Variants in KIFC3 observed in about 807,000 individuals in gnomAD.
The protein encoded by KIFC3 is kinesin family member C3, also known as kinesin-like protein KIFC3.
Under a neutral mutation model 101.8 loss-of-function variants are expected in KIFC3, and 60 were observed. The observed-to-expected ratio is 0.59, with a 90% CI of 0.48 to 0.73. KIFC3 has a LOEUF of 0.73. Ranked by LOEUF, KIFC3 falls within the 30% of genes least tolerant of loss-of-function variation. KIFC3 has a pLI of 0.00. For missense variants in KIFC3, 966 were observed against 1,137.1 expected, an observed-to-expected ratio of 0.85 and a Z score of 2.16; for synonymous variants, 476 against 482.7, an observed-to-expected ratio of 0.99 and a Z score of 0.18.
chr16:57,858,928 C>T (rs1004090978), intron 1 of KIFC3, among the ~76,000 whole-genome samples: 71 of 151,752 alleles, frequency 4.7e-4, no homozygotes, highest in African/African-American at 1.5e-3. Context: ...CCAACCTGGG[C>T]AACAGAGCAA....
In KIFC3 at chr16:57,769,750, G is replaced by A. The variant is rs782419877; in HGVS notation, c.1088-25C>T. The A allele has an allele frequency of 2.4e-5, 39 of 1,612,650 alleles. No individual in the cohort carries two copies. In the East Asian group the frequency reaches 8.7e-4, roughly 36 times the overall value. On this transcript the variant is annotated intron_variant, in intron 8 of 19. Coordinates refer to ENST00000445690, the MANE Select transcript of KIFC3 (RefSeq NM_001130100.2). The surrounding 1 kb of genome is among the most constrained non-coding windows in gnomAD (Gnocchi z 4.3). ...CCTATGGGGACACTCGGGCTGTGAG[G>A]CGGGAGGGGATGAGGGGCCGCGGCG...
chr16:57,766,883 G>A lies in KIFC3; in HGVS notation c.1321C>T (p.Arg441Trp), dbSNP rs782253924. ...LRKKCHNELV[R>W]LKGNIRVIAR... ...GCCCTCCTGCAGTCACCTTTCAGCC[G>A]CACGAGCTCATTGTGGCACTTCTTA... is the stretch of plus-strand genomic sequence containing the variant. Residue 441 changes from arginine (R) to tryptophan (W), a missense_variant, in exon 10 of 20, where the codon CGG becomes TGG. This residue lies in a region of KIFC3 where 689 missense variants were observed against 884.6 expected (regional missense o/e 0.78). Coordinates refer to ENST00000445690, the MANE Select transcript of KIFC3 (RefSeq NM_001130100.2). 5.6e-6 allele frequency: 9 copies of A among 1,608,232 alleles called. No individual in the cohort carries two copies. The highest frequency in any genetic ancestry group is 1.7e-5 in the Admixed American group (1 of 59,960).
At chr16:57,762,828 C>G (rs1432838189) in intron 12 of KIFC3, among the ~76,000 whole-genome samples, 3 of 152,192 alleles carry the variant, frequency 2.0e-5, no homozygotes, top group Non-Finnish European at 4.4e-5. Context: ...CTCACTCACT[C>G]TCTATTCCGG....
chr16:57,762,361 C>T, intron 12 of KIFC3, 91 bp from the exon 13 acceptor site: 1 of 1,324,816 alleles, frequency 7.5e-7, no homozygotes, highest in Non-Finnish European at 1.0e-6. Flanking sequence ...GACTACCCCT[C>T]ACAAGCAAGC....
At chr16:57,858,037 C>T (rs28417331) in intron 1 of KIFC3, among the ~76,000 whole-genome samples, 2,248 of 151,976 alleles carry the variant, frequency 0.015, 50 homozygotes, top group African/African-American at 0.052. Flanking sequence ...AGGCTGGTCT[C>T]GATCTCCTGA....
At chr16:57,762,901 C>G (rs1331220293) in intron 12 of KIFC3, among the ~76,000 whole-genome samples, 1 of 152,204 alleles carries the variant, frequency 6.6e-6, no homozygotes, top group African/African-American at 2.4e-5. Flanking sequence ...TTGGCCTCAG[C>G]CCTGCAGCTC....
At chr16:57,779,984 G>A (rs1311193075) in intron 3 of KIFC3, 1 of 152,146 alleles carries the variant, frequency 6.6e-6, no homozygotes, top group Non-Finnish European at 1.5e-5. Flanking sequence ...GTGAGCACAT[G>A]AAGGGCAAAC....
At chr16:57,848,745 C>T (rs762735576) in intron 1 of KIFC3, among the ~76,000 whole-genome samples, 2 of 152,162 alleles carry the variant, frequency 1.3e-5, no homozygotes, top group Non-Finnish European at 2.9e-5. Flanking sequence ...GGGTTTTTAA[C>T]AAAAAGATTT....
Position 57,761,090 on chromosome 16 carries a change from T to G in KIFC3, c.1954A>C (p.Ile652Leu). 1 of 1,613,762 alleles carries G rather than the reference T, an allele frequency of 6.2e-7. No homozygotes were observed. Among genetic ancestry groups the G allele is most frequent in the Non-Finnish European group, 8.5e-7 (1 of 1,179,880 alleles). Residue 652 changes from isoleucine to leucine, a missense_variant, in exon 15 of 20, where the codon ATC (isoleucine) becomes CTC (leucine). Ile to Leu is a conservative substitution (Grantham distance 5). This residue lies in a region of KIFC3 where 689 missense variants were observed against 884.6 expected (regional missense o/e 0.78). Transcript: ENST00000445690. ...CAGTCCACGCCTCGCACCGTCACGA[T>G]GAGCAGCGCGTGCGAGCGGGAGCTG... Reference protein sequence around the residue: ...EHSSRSHALLIVTVRGVDCST... With the variant: ...EHSSRSHALLLVTVRGVDCST...
chr16:57,808,055 A>G (rs573129288), upstream of KIFC3: 1 of 152,102 alleles, frequency 6.6e-6, no homozygotes, highest in South Asian at 2.1e-4. Context: ...ACTGAACTCG[A>G]CAGTTCTCCC....
In KIFC3 at chr16:57,765,651, TG is replaced by T. The variant is rs781836316; in HGVS notation, c.1331-12del. On this transcript the variant is annotated splice_polypyrimidine_tract_variant and intron_variant, in intron 10 of 19. Transcript: ENST00000445690. ...TCACTCGGATGTTCCCTGGATTGGT[TG>T]GGGATGGGGAAATGGGTCCAGGCCA... 3.1e-5 allele frequency: 49 copies of T among 1,603,782 alleles called. 1 individual carries two copies. Among genetic ancestry groups the T allele is most frequent in the African/African-American group, 1.1e-4 (8 of 74,790 alleles).
intron 1 of KIFC3, among the ~76,000 whole-genome samples, chr16:57,834,085 A>G (rs1175709185): frequency 6.6e-6 from 1 of 151,334 alleles, no homozygotes; most frequent in Non-Finnish European, 1.5e-5. Flanking sequence ...GATGGTCTCT[A>G]CCTCCTGACC....
chr16:57,833,651 C>T (rs2055629338), intron 1 of KIFC3, among the ~76,000 whole-genome samples: 1 of 152,112 alleles, frequency 6.6e-6, no homozygotes, highest in Admixed American at 6.5e-5. Flanking sequence ...CATGGAAATG[C>T]AGGGCCCCTA....
chr16:57,850,860 A>G (rs2056037505), intron 1 of KIFC3, among the ~76,000 whole-genome samples: 1 of 151,940 alleles, frequency 6.6e-6, no homozygotes, highest in African/African-American at 2.4e-5. Flanking sequence ...TTCCTGTGTT[A>G]TTTCATTGAT....
chr16:57,769,652 C>T lies in KIFC3; in HGVS notation c.1161G>A (p.Arg387=), dbSNP rs782655687. 3 of 1,611,828 alleles carry T rather than the reference C, an allele frequency of 1.9e-6. No individual in the cohort carries two copies. The Admixed American group carries it at 5.0e-5, about 27-fold the overall frequency. The change falls in exon 9 of 20, where the codon CGG becomes CGA. Residue 387 remains arginine, a synonymous_variant. Coordinates refer to ENST00000445690, the MANE Select transcript of KIFC3 (RefSeq NM_001130100.2). This position sits in a 1 kb window ranked among gnomAD's most constrained non-coding sequence, Gnocchi z 4.3. ...TLTNDYNGLK[R]QVRGFPLLLQ... ...GCAGCAGTGGGAAGCCGCGCACCTG[C>T]CGCTTGAGCCCATTGTAGTCGTTGG... is the stretch of plus-strand genomic sequence containing the variant.
At chr16:57,843,289 A>T (rs138307157) in intron 1 of KIFC3, among the ~76,000 whole-genome samples, 1 of 152,340 alleles carries the variant, frequency 6.6e-6, no homozygotes, top group East Asian at 1.9e-4. Context: ...CTTGACAGAG[A>T]TTCAACCATG....
At chr16:57,860,459 A>T (rs1171667633) in intron 1 of KIFC3, among the ~76,000 whole-genome samples, 2 of 152,298 alleles carry the variant, frequency 1.3e-5, no homozygotes, top group Admixed American at 6.5e-5. Context: ...GTCTCAAAAA[A>T]ATTTAAAATA....
intron 1 of KIFC3, among the ~76,000 whole-genome samples, chr16:57,839,968 T>C (rs2055770037): frequency 6.6e-6 from 1 of 152,170 alleles, no homozygotes; most frequent in Non-Finnish European, 1.5e-5. Flanking sequence ...ACTCCTCAAA[T>C]TGGATTGTCC....
chr16:57,837,944 C>T (rs2055729720), intron 1 of KIFC3, among the ~76,000 whole-genome samples: 2 of 152,090 alleles, frequency 1.3e-5, no homozygotes, highest in South Asian at 4.2e-4. Context: ...AGAGCGCAGC[C>T]CAGACCCAGG....
Sources: allele counts gnomAD v4.1 joint callset (sites outside exome capture counted in the v4.1 genomes callset), GRCh38; gene constraint gnomAD v4.1.1; regional missense constraint gnomAD v4.1.1; non-coding constraint Gnocchi (gnomAD v3.1); transcripts MANE v1.5; gene names NCBI Gene and HGNC (gene_info 2026-07-23, HGNC 2026-07-21).